The following TTC1 variants were observed in gnomAD, a reference collection of about 807,000 sequenced individuals.
TTC1 encodes the protein tetratricopeptide repeat protein 1.
Under a neutral mutation model 37.6 loss-of-function variants are expected in TTC1, and 31 were observed. The observed-to-expected ratio is 0.82, with a 90% CI of 0.62 to 1.11. The LOEUF (loss-of-function observed/expected upper bound fraction) is 1.11. Among genes scored for constraint, TTC1 ranks in the 50% most tolerant of loss-of-function variants. TTC1 has a pLI of 0.00. For missense variants in TTC1, 351 were observed against 339.0 expected (o/e 1.04, Z -0.28); for synonymous variants, 127 against 122.4 (o/e 1.04, Z -0.25).
intron 2 of TTC1, among the ~76,000 whole-genome samples, chr5:160,031,197 A>G (rs1756901904): frequency 6.6e-6 from 1 of 152,218 alleles, no homozygotes; most frequent in African/African-American, 2.4e-5. Flanking sequence ...GTTCAGCATG[A>G]TACTGATAAT....
At chr5:160,053,790 G>A (rs189393509) in intron 7 of TTC1, among the ~76,000 whole-genome samples, 2 of 152,276 alleles carry the variant, frequency 1.3e-5, no homozygotes, top group African/African-American at 4.8e-5. Context: ...GATGTGTTCA[G>A]TATTCTTTAA....
At chr5:160,010,923 T>G in intron 2 of TTC1, 65 bp downstream of exon 2, 1 of 1,432,588 alleles carries the variant, frequency 7.0e-7, no homozygotes, top group East Asian at 2.3e-5. Context: ...TGGTCGATAC[T>G]GTATCATAGA....
Position 160,065,404 on chromosome 5 carries a change from A to C in TTC1, c.*339A>C, listed in dbSNP as rs1382543623. The stretch of plus-strand genomic sequence containing the variant: ...AGCAAAAGCCTCTCCTGAACCAAAC[A>C]AACCTGTTGGTTGGGAGACTGCCCA... On this transcript the variant is annotated 3_prime_UTR_variant, in exon 8 of 8. Coordinates refer to ENST00000231238, the MANE Select transcript of TTC1 (RefSeq NM_003314.3). The C allele has an allele frequency of 2.1e-6, 1 of 481,718 alleles. No individual in the cohort carries two copies. The highest frequency in any genetic ancestry group is 4.1e-6 in the Non-Finnish European group (1 of 244,454). 29.8% of individuals were successfully genotyped at this position (481,718 alleles called of 1,614,324 possible).
rs1310066249 is a variant in TTC1 at position 160,045,554 on chromosome 5, C to CT, written c.541+2385_541+2386insT. On this transcript the variant is annotated intron_variant, in intron 5 of 7. Coordinates refer to ENST00000231238, the MANE Select transcript of TTC1 (RefSeq NM_003314.3). ...CTCTCTCTCTCTCTCTCTCTCTCTC[C>CT]CCCTCCCCTCTCTCAATCTCTCAAT... is the stretch of plus-strand genomic sequence containing the variant. 5.5e-3 allele frequency among the ~76,000 whole-genome samples: 639 copies of CT among 116,030 alleles called. 27 individuals carry two copies. The highest frequency in any genetic ancestry group is 0.014 in the African/African-American group (420 of 30,904). The allele number at this position is 116,030 out of a possible 152,430, so 76.1% of individuals were successfully genotyped here. A position where few individuals can be genotyped will look rare whatever the true frequency, so the allele number is the denominator to read the frequency against.
chr5:160,024,031 G>A lies in TTC1; in HGVS notation c.331-11109G>A. ...AGTGGCCTTTACAGCCACACTTCTT[G>A]CAGGTAGTGTTCAATCAATATACTC... is the stretch of plus-strand genomic sequence containing the variant. On this transcript the variant is annotated intron_variant, in intron 2 of 7. Coordinates refer to ENST00000231238, the MANE Select transcript of TTC1 (RefSeq NM_003314.3). 4 of 1,349,958 alleles carry A rather than the reference G, an allele frequency of 3.0e-6. No homozygotes were observed. The South Asian group carries it at 3.5e-5, about 12-fold the overall frequency. 83.6% of individuals were successfully genotyped at this position (1,349,958 alleles called of 1,614,324 possible).
intron 5 of TTC1, among the ~76,000 whole-genome samples, chr5:160,045,523 C>T: frequency 2.0e-5 from 2 of 98,384 alleles, no homozygotes; most frequent in African/African-American, 4.5e-5. Context: ...CATACACACT[C>T]TCTCTCTCTC....
At chr5:160,026,396 T>C (rs956663193) in intron 2 of TTC1, among the ~76,000 whole-genome samples, 1 of 152,248 alleles carries the variant, frequency 6.6e-6, no homozygotes, top group African/African-American at 2.4e-5. Flanking sequence ...TTTCTGATAT[T>C]GGGGTATTGA....
chr5:160,045,495 CACACACACACACACACACAT>C (rs1321657798), intron 5 of TTC1, among the ~76,000 whole-genome samples: 7 of 116,434 alleles, frequency 6.0e-5, no homozygotes, highest in South Asian at 3.1e-4. Flanking sequence ...CACACACACA[CACACACACACACACACACAT>C]ACACACTCTC....
chr5:160,036,580 A>G (rs1225268835), intron 3 of TTC1, 111 bp from the exon 4 acceptor site: 3 of 715,870 alleles, frequency 4.2e-6, no homozygotes, highest in Non-Finnish European at 7.2e-6. Flanking sequence ...CCATCTTTTA[A>G]CTCAAAACCT....
chr5:160,045,131 T>G (rs1263554276), intron 5 of TTC1, among the ~76,000 whole-genome samples: 1 of 152,142 alleles, frequency 6.6e-6, no homozygotes, highest in Admixed American at 6.6e-5. Context: ...TTTCAAAGCT[T>G]CTTTCTCTGT....
At chr5:160,062,266 G>A (rs1753439317) in intron 7 of TTC1, among the ~76,000 whole-genome samples, 1 of 152,216 alleles carries the variant, frequency 6.6e-6, no homozygotes, top group Admixed American at 6.5e-5. Context: ...TCTTAGCTTG[G>A]AATGGTCTTT....
chr5:160,023,042 G>C (rs1259750846), intron 2 of TTC1, among the ~76,000 whole-genome samples: 1 of 152,038 alleles, frequency 6.6e-6, no homozygotes, highest in Non-Finnish European at 1.5e-5. Flanking sequence ...GATCACCTGA[G>C]GTCAAGTTTA....
intron 2 of TTC1, among the ~76,000 whole-genome samples, chr5:160,028,934 A>G (rs1756859055): frequency 6.6e-6 from 1 of 152,208 alleles, no homozygotes; most frequent in Non-Finnish European, 1.5e-5. Flanking sequence ...TTGACCATAA[A>G]CAGAAACAAG....
At chr5:160,039,799 T>C (rs1757056045) in intron 4 of TTC1, among the ~76,000 whole-genome samples, 1 of 152,218 alleles carries the variant, frequency 6.6e-6, no homozygotes, top group Non-Finnish European at 1.5e-5. Flanking sequence ...ACAGATTACT[T>C]ACAGGACTTC....
chr5:160,034,327 C>T (rs1293222931), intron 2 of TTC1, among the ~76,000 whole-genome samples: 1 of 152,148 alleles, frequency 6.6e-6, no homozygotes, highest in Non-Finnish European at 1.5e-5. Flanking sequence ...TGCAGGATAA[C>T]ATTCTCTCAG....
Position 160,059,986 on chromosome 5 carries a change from A to G in TTC1, c.746-4946A>G, listed in dbSNP as rs184408443. Among the ~76,000 whole-genome samples the G allele has an allele frequency of 5.9e-5, 9 of 152,340 alleles. No individual in the cohort carries two copies. The East Asian group carries it at 9.6e-4, about 16-fold the overall frequency. ...AGCACAAAAAGCACAGCACAACAAAATAAAGTCTGCCTGTATAAGAATTTC... is the reference window on the plus strand; with the variant it reads ...AGCACAAAAAGCACAGCACAACAAAGTAAAGTCTGCCTGTATAAGAATTTC... On this transcript the variant is annotated intron_variant, in intron 7 of 7. Coordinates refer to ENST00000231238, the MANE Select transcript of TTC1 (RefSeq NM_003314.3).
chr5:160,037,801 A>G (rs1368214374), intron 4 of TTC1, among the ~76,000 whole-genome samples: 1 of 150,946 alleles, frequency 6.6e-6, no homozygotes, highest in Non-Finnish European at 1.5e-5. Flanking sequence ...TTTTTAAACC[A>G]TACCACTTTT....
At chr5:160,018,921 G>C (rs1030785570) in intron 2 of TTC1, among the ~76,000 whole-genome samples, 1 of 152,188 alleles carries the variant, frequency 6.6e-6, no homozygotes, top group Non-Finnish European at 1.5e-5. Flanking sequence ...CAGTGGATTC[G>C]ATTGGCGGGA....
intron 4 of TTC1, 124 bp from the exon 5 acceptor site, chr5:160,043,009 A>C (rs568326868): frequency 4.2e-5 from 42 of 1,000,174 alleles, no homozygotes; most frequent in Non-Finnish European, 5.9e-5. Flanking sequence ...GTTTTTACGT[A>C]ATTTCTTTGA....
Sources: allele counts gnomAD v4.1 joint callset (sites outside exome capture counted in the v4.1 genomes callset), GRCh38; gene constraint gnomAD v4.1.1; transcripts MANE v1.5; gene names NCBI Gene and HGNC (gene_info 2026-07-23, HGNC 2026-07-21).